Variants in TMEM135 observed in about 807,000 individuals in gnomAD.
TMEM135 encodes the protein peroxisomal membrane protein 52.
A neutral mutation model predicts 60.3 loss-of-function variants in TMEM135; 30 were observed. The ratio of observed to expected loss-of-function variants is 0.50; its 90% CI spans 0.37 to 0.68. TMEM135 has a LOEUF of 0.68. TMEM135 is among the 30% of genes least tolerant of loss of function. TMEM135 has a pLI of 0.00. For missense variants in TMEM135, 468 were observed against 548.8 expected (o/e 0.85, Z 1.47); for synonymous variants, 190 against 186.7 (o/e 1.02, Z -0.14).
In TMEM135 at chr11:87,120,472, C is replaced by CTT. The variant is rs541561365; in HGVS notation, c.396+29093_396+29094dup. 7.6e-4 allele frequency among the ~76,000 whole-genome samples: 79 copies of CTT among 104,222 alleles called. 2 individuals are homozygous for CTT. The highest frequency in any genetic ancestry group is 2.7e-3 in the African/African-American group (73 of 27,152). The allele number at this position is 104,222 out of a possible 152,430, so 68.4% of individuals were successfully genotyped here. A position where few individuals can be genotyped will look rare whatever the true frequency, so the allele number is the denominator to read the frequency against. ...TAAAATATAGCATGAGATGAAATTT[C>CTT]TTTTTTTTTTTTTTTTTGAGACAGA... On this transcript the variant is annotated intron_variant, in intron 4 of 14. Transcript: ENST00000305494.
intron 4 of TMEM135, among the ~76,000 whole-genome samples, chr11:87,100,965 TAA>T (rs1857444704): frequency 2.0e-5 from 3 of 152,340 alleles, no homozygotes; most frequent in Admixed American, 1.3e-4. Flanking sequence ...AACTAGCACT[TAA>T]AAACATACAA....
At chr11:87,203,032 C>CAAA (rs534909524) in intron 5 of TMEM135, among the ~76,000 whole-genome samples, 7 of 33,550 alleles carry the variant, frequency 2.1e-4, no homozygotes, top group Non-Finnish European at 3.1e-4. Flanking sequence ...GACTCCGTCT[C>CAAA]AAAAAAAAAA....
chr11:87,075,776 G>A (rs1379765620), intron 3 of TMEM135, among the ~76,000 whole-genome samples: 1 of 152,188 alleles, frequency 6.6e-6, no homozygotes, highest in African/African-American at 2.4e-5. Flanking sequence ...GGTTTTTGCT[G>A]ACGTGTAGAG....
At chr11:87,135,933 C>CAA (rs1938085326) in intron 4 of TMEM135, among the ~76,000 whole-genome samples, 4 of 151,912 alleles carry the variant, frequency 2.6e-5, no homozygotes, top group Admixed American at 1.3e-4. Flanking sequence ...TTTTACTTTT[C>CAA]AGTGTACAGG....
At chr11:87,269,410 A>G (rs927233751) in intron 6 of TMEM135, among the ~76,000 whole-genome samples, 8 of 149,820 alleles carry the variant, frequency 5.3e-5, no homozygotes, top group Non-Finnish European at 7.4e-5. Context: ...TTAGTTACAT[A>G]TGTATACATG....
intron 1 of TMEM135, among the ~76,000 whole-genome samples, chr11:87,066,359 G>C (rs1291366651): frequency 6.6e-6 from 1 of 151,976 alleles, no homozygotes; most frequent in Non-Finnish European, 1.5e-5. Flanking sequence ...GCCTTCCCCT[G>C]TATTAAACTG....
At chr11:87,067,908 G>T in intron 2 of TMEM135, 87 bp downstream of exon 2, 4 of 1,510,400 alleles carry the variant, frequency 2.6e-6, no homozygotes, top group Non-Finnish European at 3.7e-6. Context: ...TGTTATGTGG[G>T]TTACTATCCC....
chr11:87,136,381 A>G (rs1938100697), intron 4 of TMEM135, among the ~76,000 whole-genome samples: 1 of 151,958 alleles, frequency 6.6e-6, no homozygotes, highest in African/African-American at 2.4e-5. Context: ...TTCTTCTTAT[A>G]TATTGTTGGA....
chr11:87,246,056 A>G (rs1398294023), intron 6 of TMEM135, among the ~76,000 whole-genome samples: 6 of 145,478 alleles, frequency 4.1e-5, no homozygotes, highest in Non-Finnish European at 9.0e-5. Flanking sequence ...GGTGGTGACA[A>G]AATCTCTCGG....
At chr11:87,193,945 G>T (rs505890) in intron 5 of TMEM135, among the ~76,000 whole-genome samples, 1 of 151,726 alleles carries the variant, frequency 6.6e-6, no homozygotes, top group African/African-American at 2.4e-5. Context: ...GAATTTTTGT[G>T]GTAAGCCATA....
intron 5 of TMEM135, among the ~76,000 whole-genome samples, chr11:87,174,837 G>A (rs760247229): frequency 7.2e-5 from 11 of 152,046 alleles, no homozygotes; most frequent in Non-Finnish European, 1.0e-4. Flanking sequence ...ACTTAAAATA[G>A]CAGTTGTCAA....
intron 1 of TMEM135, among the ~76,000 whole-genome samples, chr11:87,044,693 C>G (rs746840723): frequency 3.3e-5 from 5 of 152,110 alleles, no homozygotes; most frequent in Non-Finnish European, 5.9e-5. Context: ...CTCTGTCGCC[C>G]AGGCTGGAGT....
chr11:87,287,307 T>G (rs1215107276), intron 6 of TMEM135, among the ~76,000 whole-genome samples: 1 of 152,194 alleles, frequency 6.6e-6, no homozygotes, highest in African/African-American at 2.4e-5. Flanking sequence ...CATGTAATAT[T>G]TAATGAATAT....
intron 6 of TMEM135, chr11:87,277,452 C>T (rs770734077): frequency 4.8e-5 from 9 of 186,438 alleles, no homozygotes; most frequent in East Asian, 3.6e-4. Flanking sequence ...TTTTTAAAAA[C>T]GTGAAACTGC....
chr11:87,285,796 C>T (rs1942154164), intron 6 of TMEM135, among the ~76,000 whole-genome samples: 1 of 152,196 alleles, frequency 6.6e-6, no homozygotes, highest in Non-Finnish European at 1.5e-5. Context: ...GCCCCACCCT[C>T]ATCCTGCTGA....
At chr11:87,140,545 G>C (rs1418018621) in intron 4 of TMEM135, among the ~76,000 whole-genome samples, 1 of 152,162 alleles carries the variant, frequency 6.6e-6, no homozygotes, top group Admixed American at 6.5e-5. Flanking sequence ...CAAGGAGAGG[G>C]AATATGTATG....
intron 3 of TMEM135, among the ~76,000 whole-genome samples, chr11:87,073,672 A>ATT (rs762258659): frequency 6.8e-6 from 1 of 146,786 alleles, no homozygotes. Flanking sequence ...TGTTTATTTT[A>ATT]TTTTTTTTTT....
chr11:87,111,210 G>A (rs952783745), intron 4 of TMEM135, among the ~76,000 whole-genome samples: 1 of 151,964 alleles, frequency 6.6e-6, no homozygotes, highest in African/African-American at 2.4e-5. Flanking sequence ...TTTGTTGATG[G>A]CCTATTTTTT....
intron 5 of TMEM135, among the ~76,000 whole-genome samples, chr11:87,166,348 C>T (rs1044368424): frequency 1.5e-4 from 22 of 151,678 alleles, no homozygotes; most frequent in African/African-American, 4.6e-4. Context: ...GTTGCCATTG[C>T]TTTTGGTGGT....
Sources: allele counts gnomAD v4.1 joint callset (sites outside exome capture counted in the v4.1 genomes callset), GRCh38; gene constraint gnomAD v4.1.1; transcripts MANE v1.5; gene names NCBI Gene and HGNC (gene_info 2026-07-23, HGNC 2026-07-21).